The following ASAH2 variants were observed in gnomAD, a reference collection of about 807,000 sequenced individuals.
ASAH2 encodes the protein N-acylsphingosine amidohydrolase 2.
ASAH2 carries 58 observed loss-of-function variants against 82.9 expected under a neutral mutation model. The ratio of observed to expected loss-of-function variants is 0.70; its 90% confidence interval spans 0.57 to 0.87. The LOEUF is 0.87. Among genes scored for constraint, ASAH2 ranks in the 40% least tolerant of loss-of-function variants. The pLI, the probability that ASAH2 is intolerant of heterozygous loss-of-function variation, is 0.00. For synonymous variants in ASAH2, 276 were observed against 289.7 expected, an observed-to-expected ratio of 0.95 and a Z score of 0.48; for missense variants, 779 against 834.0, an observed-to-expected ratio of 0.93 and a Z score of 0.81.
chr10:50,210,613 A>T (rs563502879), intron 12 of ASAH2, among the ~76,000 whole-genome samples: 2 of 152,338 alleles, frequency 1.3e-5, no homozygotes, highest in South Asian at 4.1e-4. Context: ...TTAAGTGTCC[A>T]GAATAGGAAA....
chr10:50,215,996 T>C (rs1411761913), intron 8 of ASAH2, among the ~76,000 whole-genome samples: 1 of 152,090 alleles, frequency 6.6e-6, no homozygotes, highest in Non-Finnish European at 1.5e-5. Context: ...AAAGGATGAG[T>C]TCATATCCTT....
chr10:50,202,700 C>T lies in ASAH2; in HGVS notation c.1761+129G>A, dbSNP rs973332440. 1.6e-5 allele frequency: 12 copies of T among 738,122 alleles called. No individual in the cohort carries two copies. In the Middle Eastern group the frequency reaches 1.0e-3, roughly 63 times the overall value. 45.7% of individuals were successfully genotyped at this position (738,122 alleles called of 1,614,324 possible). On this transcript the variant is annotated intron_variant, in intron 16 of 20. Coordinates refer to ENST00000682911, the MANE Select transcript of ASAH2 (RefSeq NM_019893.4). ...GGCCTCTGGCTTATCATCCTCTTAC[C>T]TGTTATACCTGAAACATAATCATCT...
At chr10:50,194,640 C>T (rs1589318386) in intron 18 of ASAH2, among the ~76,000 whole-genome samples, 2 of 151,034 alleles carry the variant, frequency 1.3e-5, no homozygotes, top group African/African-American at 4.9e-5. Context: ...GAAGGTACCA[C>T]ACAACCTGAC....
At chr10:50,238,028 C>T (rs1481640050) in intron 4 of ASAH2, among the ~76,000 whole-genome samples, 5 of 152,136 alleles carry the variant, frequency 3.3e-5, no homozygotes, top group African/African-American at 1.2e-4. Flanking sequence ...GGCATAGACA[C>T]TCTGATAAGC....
At chr10:50,202,337 C>G (rs1196727517) in intron 16 of ASAH2, among the ~76,000 whole-genome samples, 2 of 152,016 alleles carry the variant, frequency 1.3e-5, no homozygotes, top group African/African-American at 2.4e-5. Context: ...ATATTACCAG[C>G]TACCAGCCTC....
At chr10:50,245,553 C>G in intron 2 of ASAH2, 99 bp from the exon 3 acceptor site, 1 of 1,069,424 alleles carries the variant, frequency 9.4e-7, no homozygotes, top group East Asian at 2.6e-5. Flanking sequence ...ATAAGGAAAA[C>G]TCTTTATATA....
chr10:50,201,623 G>C (rs1296704738), intron 16 of ASAH2, among the ~76,000 whole-genome samples: 3 of 152,092 alleles, frequency 2.0e-5, no homozygotes, highest in Non-Finnish European at 2.9e-5. Context: ...GCTAGTAGGG[G>C]TTCCTAACCT....
rs2133232022 is a variant in ASAH2, at chr10:50,243,146, C to G, written c.510+56G>C. 3 of 1,588,376 alleles carry G rather than the reference C, an allele frequency of 1.9e-6. No individual in the cohort carries two copies. The East Asian group carries it at 6.7e-5, about 36-fold the overall frequency. Reference sequence around the variant, plus strand: ...GGAATTATTTCCTGTCACATTCACCCACTTTTCCTTAAACCATATCATTTC... The same window carrying G: ...GGAATTATTTCCTGTCACATTCACCGACTTTTCCTTAAACCATATCATTTC... On this transcript the variant is annotated intron_variant, in intron 4 of 20. Coordinates refer to ENST00000682911, the MANE Select transcript of ASAH2 (RefSeq NM_019893.4).
In ASAH2 at chr10:50,222,058, C is replaced by T. The variant is rs899341855; in HGVS notation, c.894-3428G>A. The stretch of plus-strand genomic sequence containing the variant: ...GTGTTCAGAGAATGGATAGTCAGGG[C>T]GGCCAGAGCAGAATGGATATGGACA... On this transcript the variant is annotated intron_variant, in intron 7 of 20. Coordinates refer to ENST00000682911, the MANE Select transcript of ASAH2 (RefSeq NM_019893.4). Among the ~76,000 whole-genome samples, 39 of 152,184 alleles carry T rather than the reference C, an allele frequency of 2.6e-4. No homozygotes were observed. The East Asian group carries it at 6.2e-3, about 24-fold the overall frequency.
At chr10:50,215,520 C>T (rs929560466) in intron 8 of ASAH2, among the ~76,000 whole-genome samples, 11 of 152,192 alleles carry the variant, frequency 7.2e-5, no homozygotes, top group Non-Finnish European at 1.3e-4. Context: ...CTGCATATGG[C>T]TAGCCAGTTT....
chr10:50,235,659 G>GACTTAGTTTAAACA (rs1846140718), intron 5 of ASAH2, among the ~76,000 whole-genome samples: 1 of 152,028 alleles, frequency 6.6e-6, no homozygotes, highest in East Asian at 1.9e-4. Flanking sequence ...TAACTACATT[G>GACTTAGTTTAAACA]GGCTTAGTCC....
chr10:50,251,333 A>G (rs1411900928), intron 1 of ASAH2, among the ~76,000 whole-genome samples, 62 bp downstream of exon 1: 1 of 152,200 alleles, frequency 6.6e-6, no homozygotes, highest in African/African-American at 2.4e-5. Flanking sequence ...GATCTCTGAG[A>G]CAATAGGATA....
At position 50,204,884 on chromosome 10, in the gene ASAH2, T is replaced by C. The variant is rs2133202238; in HGVS notation, c.1602A>G (p.Ile534Met). 6.2e-7 allele frequency: 1 copy of C among 1,611,676 alleles called. No individual in the cohort carries two copies. The highest frequency in any genetic ancestry group is 2.2e-5 in the East Asian group (1 of 44,834). Residue 534 changes from isoleucine (I) to methionine (M), a missense_variant, in exon 14 of 21, where the codon ATA becomes ATG. This residue lies in a region of ASAH2 where 759 missense variants were observed against 755.2 expected (regional missense o/e 1.00). Coordinates refer to ENST00000682911, the MANE Select transcript of ASAH2 (RefSeq NM_019893.4). Reference sequence around the variant, plus strand: ...ACGTAAACTCCCCGGGGATGGCAGTTATGGCCAAGGACCCAAGGGTAATAA... The same window carrying C: ...ACGTAAACTCCCCGGGGATGGCAGTCATGGCCAAGGACCCAAGGGTAATAA... Reference protein sequence around the residue: ...VQIITLGSLAITAIPGEFTTM... With the variant: ...VQIITLGSLAMTAIPGEFTTM...
chr10:50,248,059 C>A (rs1034881589), intron 2 of ASAH2, among the ~76,000 whole-genome samples: 4 of 152,130 alleles, frequency 2.6e-5, no homozygotes, highest in African/African-American at 7.2e-5. Flanking sequence ...CGTTTGAGAC[C>A]CCTTTCTCTA....
rs1416237472 is a variant in ASAH2 at position 50,198,263 on chromosome 10, T to C, written c.1857+788A>G. On this transcript the variant is annotated intron_variant, in intron 17 of 20. Transcript: ENST00000682911. ...TACATATTATTATATAAGGGGCTGC[T>C]TATTATTTTAAGCTCTTTATCTTGT... 3.4e-5 allele frequency: 5 copies of C among 145,178 alleles called. No homozygotes were observed. In the East Asian group the frequency reaches 1.0e-3, roughly 29 times the overall value. 9.0% of individuals were successfully genotyped at this position (145,178 alleles called of 1,614,324 possible). A position where few individuals can be genotyped will look rare whatever the true frequency, so the allele number is the denominator to read the frequency against.
intron 16 of ASAH2, 127 bp downstream of exon 16, chr10:50,202,702 G>A: frequency 1.3e-6 from 1 of 750,458 alleles, no homozygotes; most frequent in Non-Finnish European, 2.4e-6. Context: ...CCTCTTACCT[G>A]TTATACCTGA....
intron 7 of ASAH2, among the ~76,000 whole-genome samples, chr10:50,224,898 A>G (rs1300355925): frequency 1.3e-5 from 2 of 152,200 alleles, no homozygotes; most frequent in Non-Finnish European, 2.9e-5. Flanking sequence ...TTAAACCAGC[A>G]GAAGAAAAGA....
At chr10:50,243,833 A>G (rs1846373421) in intron 3 of ASAH2, among the ~76,000 whole-genome samples, 1 of 152,126 alleles carries the variant, frequency 6.6e-6, no homozygotes, top group Admixed American at 6.5e-5. Context: ...TTAGTGTATG[A>G]TTTTGTTTTC....
chr10:50,227,718 C>A (rs1845926347), intron 7 of ASAH2, among the ~76,000 whole-genome samples: 1 of 152,110 alleles, frequency 6.6e-6, no homozygotes. Flanking sequence ...TCCAATATCT[C>A]CAGCCAACTA....
Sources: allele counts gnomAD v4.1 joint callset (sites outside exome capture counted in the v4.1 genomes callset), GRCh38; gene constraint gnomAD v4.1.1; regional missense constraint gnomAD v4.1.1; transcripts MANE v1.5; gene names NCBI Gene and HGNC (gene_info 2026-07-23, HGNC 2026-07-21).